Variants in RHOJ observed in about 807,000 individuals in gnomAD.
RHOJ encodes rho-related GTP-binding protein RhoJ.
A neutral mutation model predicts 23.4 loss-of-function variants in RHOJ; 11 were observed. The ratio of observed to expected loss-of-function variants is 0.47; its 90% CI spans 0.30 to 0.78. The LOEUF is 0.78. RHOJ is among the 30% of genes least tolerant of loss of function. The probability of loss-of-function intolerance (pLI) is 0.08; values close to 1 mark genes in which losing one functional copy is unlikely to be tolerated. For synonymous variants in RHOJ, 102 were observed against 102.7 expected (o/e 0.99, Z 0.04); for missense variants, 254 against 273.4 (o/e 0.93, Z 0.50).
intron 1 of RHOJ, among the ~76,000 whole-genome samples, chr14:63,241,056 C>A (rs1894874355): frequency 6.6e-6 from 1 of 152,182 alleles, no homozygotes; most frequent in South Asian, 2.1e-4. Context: ...ATATAAATAC[C>A]AGATAACAAA....
intron 4 of RHOJ, among the ~76,000 whole-genome samples, chr14:63,284,827 G>A (rs1040879807): frequency 1.3e-5 from 2 of 152,100 alleles, no homozygotes; most frequent in African/African-American, 2.4e-5. Flanking sequence ...TTCTCATTGG[G>A]GAAGTTGTTT....
chr14:63,260,832 C>T (rs964875312), intron 1 of RHOJ, among the ~76,000 whole-genome samples: 1 of 151,096 alleles, frequency 6.6e-6, no homozygotes, highest in African/African-American at 2.5e-5. Context: ...CATTGTTGTA[C>T]ACATGTACAG....
chr14:63,264,554 T>C (rs1895333506), intron 1 of RHOJ, among the ~76,000 whole-genome samples: 1 of 152,224 alleles, frequency 6.6e-6, no homozygotes, highest in South Asian at 2.1e-4. Context: ...AGTAATGGGA[T>C]TGCTAGGTCA....
At chr14:63,241,561 C>T (rs939001705) in intron 1 of RHOJ, among the ~76,000 whole-genome samples, 1 of 152,072 alleles carries the variant, frequency 6.6e-6, no homozygotes, top group African/African-American at 2.4e-5. Context: ...CATTAACTAC[C>T]TTTATGTGCT....
chr14:63,219,415 A>G (rs553190353), intron 1 of RHOJ, among the ~76,000 whole-genome samples: 18 of 152,058 alleles, frequency 1.2e-4, no homozygotes, highest in Non-Finnish European at 1.3e-4. Flanking sequence ...CATGGTTGTT[A>G]AAATCAAGAA....
Position 63,283,123 on chromosome 14 carries a change from T to C in RHOJ, c.405T>C (p.Ile135=), listed in dbSNP as rs777733696. Residue 135 remains isoleucine (I), a splice_region_variant and synonymous_variant, in exon 4 of 5, where the codon ATT becomes ATC. Coordinates refer to ENST00000316754, the MANE Select transcript of RHOJ (RefSeq NM_020663.5). ...HVPYVLIGTQ[I]DLRDDPKTLA... is the part of the protein sequence containing the mutation. ...TTTCACGTGTGTTTTCTTGCCAGAT[T>C]GATCTCCGTGATGACCCAAAAACCT... The C allele has an allele frequency of 6.2e-7, 1 of 1,613,046 alleles. No individual in the cohort carries two copies. Among genetic ancestry groups the C allele is most frequent in the Admixed American group, 1.7e-5 (1 of 60,012 alleles).
At chr14:63,239,526 A>G (rs1894848306) in intron 1 of RHOJ, among the ~76,000 whole-genome samples, 1 of 152,226 alleles carries the variant, frequency 6.6e-6, no homozygotes, top group Non-Finnish European at 1.5e-5. Flanking sequence ...TGTCATTCTA[A>G]GAACATTTGA....
At chr14:63,288,353 C>T (rs1882149375) in intron 4 of RHOJ, 1 of 985,028 alleles carries the variant, frequency 1.0e-6, no homozygotes, top group African/African-American at 1.7e-5. Context: ...CCTGGAATTC[C>T]AGGCAGAATC....
Position 63,284,120 on chromosome 14 carries a change from C to A in RHOJ, c.498+904C>A, listed in dbSNP as rs2139666796. Among the ~76,000 whole-genome samples the A allele has an allele frequency of 1.3e-5, 2 of 152,322 alleles. 1 individual carries two copies. Among genetic ancestry groups the A allele is most frequent in the Non-Finnish European group, 2.9e-5 (2 of 68,022 alleles). On this transcript the variant is annotated intron_variant, in intron 4 of 4. Transcript: ENST00000316754. ...GCATACCGCAGGCAGAGTTAGAAGTCACTCTCTTCAAGCCAGTCAAGAATA... is the reference window on the plus strand; with the variant it reads ...GCATACCGCAGGCAGAGTTAGAAGTAACTCTCTTCAAGCCAGTCAAGAATA...
In RHOJ at chr14:63,260,682, T is replaced by C. The variant is rs145042618; in HGVS notation, c.179-8428T>C. Among the ~76,000 whole-genome samples the C allele has an allele frequency of 9.5e-3, 1,446 of 152,292 alleles. 18 individuals are homozygous for C. The highest frequency in any genetic ancestry group is 0.033 in the African/African-American group (1,358 of 41,552). Reference sequence around the variant, plus strand: ...TTATATCCTGAATATTTTACCACATTCCCCATTATTTTTTAAAAGGTTCCA... The same window carrying C: ...TTATATCCTGAATATTTTACCACATCCCCCATTATTTTTTAAAAGGTTCCA... On this transcript the variant is annotated intron_variant, in intron 1 of 4. Coordinates refer to ENST00000316754, the MANE Select transcript of RHOJ (RefSeq NM_020663.5).
At chr14:63,248,271 C>A (rs1471171420) in intron 1 of RHOJ, among the ~76,000 whole-genome samples, 1 of 152,012 alleles carries the variant, frequency 6.6e-6, no homozygotes, top group Non-Finnish European at 1.5e-5. Flanking sequence ...TATGTCAAGG[C>A]AAATGCAACT....
chr14:63,223,341 T>C (rs1894533276), intron 1 of RHOJ, among the ~76,000 whole-genome samples: 2 of 152,204 alleles, frequency 1.3e-5, no homozygotes, highest in Admixed American at 6.5e-5. Flanking sequence ...TCCTTAGTGT[T>C]ACAGATCACT....
intron 1 of RHOJ, among the ~76,000 whole-genome samples, chr14:63,266,535 A>T (rs1418693027): frequency 6.6e-6 from 1 of 152,192 alleles, no homozygotes; most frequent in Non-Finnish European, 1.5e-5. Flanking sequence ...TGGCCATTCT[A>T]ACAATGTTGA....
At chr14:63,245,462 C>A (rs1282949481) in intron 1 of RHOJ, among the ~76,000 whole-genome samples, 1 of 152,008 alleles carries the variant, frequency 6.6e-6, no homozygotes, top group Non-Finnish European at 1.5e-5. Flanking sequence ...ACCATGGACA[C>A]CATGCAACAT....
At chr14:63,263,421 C>A (rs552004329) in intron 1 of RHOJ, among the ~76,000 whole-genome samples, 7 of 152,208 alleles carry the variant, frequency 4.6e-5, no homozygotes, top group Non-Finnish European at 1.0e-4. Flanking sequence ...ACCCGTATAA[C>A]CCTCAATGTT....
At chr14:63,226,558 AAATATG>A (rs1894597547) in intron 1 of RHOJ, among the ~76,000 whole-genome samples, 1 of 150,424 alleles carries the variant, frequency 6.6e-6, no homozygotes, top group African/African-American at 2.4e-5. Flanking sequence ...AAATAAAATA[AAATATG>A]AATATAATAC....
At chr14:63,274,392 A>G (rs898326031) in intron 2 of RHOJ, among the ~76,000 whole-genome samples, 7 of 152,210 alleles carry the variant, frequency 4.6e-5, no homozygotes, top group Non-Finnish European at 7.3e-5. Context: ...AGTAAAAGCA[A>G]CCTCAGGACA....
In RHOJ at chr14:63,281,084, C is replaced by T. The variant is rs1288594895; in HGVS notation, c.351C>T (p.Pro117=). 2 of 1,614,072 alleles carry T rather than the reference C, an allele frequency of 1.2e-6. No individual in the cohort carries two copies. Among genetic ancestry groups the T allele is most frequent in the Non-Finnish European group, 1.7e-6 (2 of 1,179,984 alleles). ...ACAATGTCCAGGAGGAATGGGTCCC[C>T]GAGCTCAAGGACTGCATGCCTCACG... ...SYHNVQEEWV[P]ELKDCMPHVP... Residue 117 remains proline, a synonymous_variant, in exon 3 of 5, where the codon CCC becomes CCT. Coordinates refer to ENST00000316754, the MANE Select transcript of RHOJ (RefSeq NM_020663.5).
At position 63,292,270 on chromosome 14, in the gene RHOJ, A is replaced by C. The variant is rs1335053417; in HGVS notation, c.*1246A>C. 2.0e-5 allele frequency: 3 copies of C among 152,240 alleles called. No homozygotes were observed. In the South Asian group the frequency reaches 6.2e-4, roughly 32 times the overall value. 9.4% of individuals were successfully genotyped at this position (152,240 alleles called of 1,614,324 possible). A position where few individuals can be genotyped will look rare whatever the true frequency, so the allele number is the denominator to read the frequency against. ...TGTGGGAGCCATATCAGTGGATACCAAGCTCTGTATCCATTTGTCCCCTGC... is the reference window on the plus strand; with the variant it reads ...TGTGGGAGCCATATCAGTGGATACCCAGCTCTGTATCCATTTGTCCCCTGC... On this transcript the variant is annotated 3_prime_UTR_variant, in exon 5 of 5. Transcript: ENST00000316754.
Sources: gnomAD v4.1 joint callset for allele counts (sites outside exome capture counted in the v4.1 genomes callset) on GRCh38, gnomAD v4.1.1 for gene constraint, MANE v1.5 for transcripts, NCBI Gene and HGNC (gene_info 2026-07-23, HGNC 2026-07-21) for gene names.